The following ADD2 variants were observed in gnomAD, a reference collection of about 807,000 sequenced individuals.
The protein encoded by ADD2 is adducin 2.
A neutral mutation model predicts 83.0 loss-of-function variants in ADD2; 23 were observed. That is an observed-to-expected ratio of 0.28 (90% CI 0.20 to 0.39). The LOEUF (loss-of-function observed/expected upper bound fraction) is 0.39, where lower values mean the gene tolerates loss of function less well. Among genes scored for constraint, ADD2 ranks in the 10% least tolerant of loss-of-function variants. The probability of loss-of-function intolerance (pLI) is 1.00; values close to 1 mark genes in which losing one functional copy is unlikely to be tolerated. For synonymous variants in ADD2, 375 were observed against 375.4 expected, an observed-to-expected ratio of 1.00 and a Z score of 0.01; for missense variants, 758 against 944.9, an observed-to-expected ratio of 0.80 and a Z score of 2.59.
rs1172704158 is a variant in ADD2 at position 70,706,007 on chromosome 2, AC to A, written c.183+218del. On this transcript the variant is annotated intron_variant, in intron 3 of 15. Coordinates refer to ENST00000264436, the MANE Select transcript of ADD2 (RefSeq NM_001617.4). The surrounding 1 kb of genome is among the most constrained non-coding windows in gnomAD (Gnocchi z 5.0). ...CTGTCTCCGTCCCACCTCCCCCCGC[AC>A]CAAGCCAAACTGCCACACACAAGCC... is the stretch of plus-strand genomic sequence containing the variant. Among the ~76,000 whole-genome samples, 3 of 152,138 alleles carry A rather than the reference AC, an allele frequency of 2.0e-5. No homozygotes were observed. The highest frequency in any genetic ancestry group is 4.4e-5 in the Non-Finnish European group (3 of 68,010).
At chr2:70,678,026 A>G in intron 11 of ADD2, 149 bp from the exon 12 acceptor site, 1 of 1,072,214 alleles carries the variant, frequency 9.3e-7, no homozygotes, top group South Asian at 1.6e-5. Context: ...GGCCTCTTTG[A>G]TGTCTGTCTC....
intron 1 of ADD2, among the ~76,000 whole-genome samples, chr2:70,763,884 ATTTTC>A (rs1311523892): frequency 6.7e-6 from 1 of 149,752 alleles, no homozygotes; most frequent in Non-Finnish European, 1.5e-5. Flanking sequence ...TACCCATCTC[ATTTTC>A]TTTTCTTTTT....
intron 9 of ADD2, 90 bp downstream of exon 9, chr2:70,687,934 C>T (rs1428593427): frequency 3.2e-6 from 3 of 932,490 alleles, no homozygotes; most frequent in East Asian, 4.9e-5. Context: ...AAAAGACTCC[C>T]TGAATCACAG....
At chr2:70,698,191 C>A (rs941167011) in intron 4 of ADD2, among the ~76,000 whole-genome samples, 2 of 152,124 alleles carry the variant, frequency 1.3e-5, no homozygotes, top group Admixed American at 6.5e-5. Flanking sequence ...TACCACAGTT[C>A]TTTGAATACT....
chr2:70,658,863 C>T lies in ADD2; in HGVS notation c.*4562G>A, dbSNP rs1457494906. The stretch of plus-strand genomic sequence containing the variant: ...AATTCACACAAAAGAAAAAACGTGT[C>T]AGCTGGCACAGTGGCTCATTCCTGT... On this transcript the variant is annotated 3_prime_UTR_variant, in exon 16 of 16. Transcript: ENST00000264436. 6.6e-6 allele frequency: 1 copy of T among 152,132 alleles called. No individual in the cohort carries two copies. The highest frequency in any genetic ancestry group is 1.5e-5 in the Non-Finnish European group (1 of 68,038). The allele number at this position is 152,132 out of a possible 1,614,324, so 9.4% of individuals were successfully genotyped here.
chr2:70,697,990 CA>C (rs1553372979), intron 4 of ADD2, among the ~76,000 whole-genome samples: 1 of 152,192 alleles, frequency 6.6e-6, no homozygotes, highest in Non-Finnish European at 1.5e-5. Flanking sequence ...AGGACAACAA[CA>C]AACTTCCAAA....
intron 2 of ADD2, 43 bp downstream of exon 2, chr2:70,713,021 AGT>A (rs781883867): frequency 4.2e-4 from 375 of 894,778 alleles, no homozygotes; most frequent in Non-Finnish European, 4.8e-4. Flanking sequence ...CCAGCCAAAA[AGT>A]GTGCATCACC....
intron 1 of ADD2, among the ~76,000 whole-genome samples, chr2:70,765,576 C>G (rs906141033): frequency 3.3e-5 from 5 of 152,176 alleles, no homozygotes; most frequent in African/African-American, 1.2e-4. Context: ...GTTCCCAGTA[C>G]GTCTTACAGA....
At chr2:70,703,731 G>T (rs1388773406) in intron 4 of ADD2, among the ~76,000 whole-genome samples, 1 of 152,084 alleles carries the variant, frequency 6.6e-6, no homozygotes, top group Non-Finnish European at 1.5e-5. Flanking sequence ...ATTTGTGTTT[G>T]CATAATCTAT....
At chr2:70,692,310 C>T (rs1671083637) in intron 7 of ADD2, 93 bp downstream of exon 7, 4 of 1,386,374 alleles carry the variant, frequency 2.9e-6, no homozygotes, top group Non-Finnish European at 3.8e-6. Flanking sequence ...GGCCTGAGTT[C>T]TAGATCTTTC....
At chr2:70,667,238 A>T (rs1669672625) in intron 15 of ADD2, among the ~76,000 whole-genome samples, 1 of 151,850 alleles carries the variant, frequency 6.6e-6, no homozygotes, top group Non-Finnish European at 1.5e-5. Context: ...GAAGCTGGAA[A>T]ATGGGGGCTC....
rs1673967502 is a variant in ADD2 at position 70,742,457 on chromosome 2, T to C, written c.-154+25429A>G. ...TTTTAATATTTATACATATTATTTATTTTAGATGAAGTGAAATCATTTCCC... is the reference window on the plus strand; with the variant it reads ...TTTTAATATTTATACATATTATTTACTTTAGATGAAGTGAAATCATTTCCC... On this transcript the variant is annotated intron_variant, in intron 1 of 15. Coordinates refer to ENST00000264436, the MANE Select transcript of ADD2 (RefSeq NM_001617.4). Among the ~76,000 whole-genome samples, 3 of 152,198 alleles carry C rather than the reference T, an allele frequency of 2.0e-5. No individual in the cohort carries two copies. In the South Asian group the frequency reaches 6.2e-4, roughly 32 times the overall value.
chr2:70,669,540 A>G (rs898338575), intron 15 of ADD2, among the ~76,000 whole-genome samples: 2 of 152,238 alleles, frequency 1.3e-5, no homozygotes, highest in Admixed American at 1.3e-4. Flanking sequence ...CACTCACCAC[A>G]GCTAGGATAC....
chr2:70,750,664 C>A (rs1421594016), intron 1 of ADD2, among the ~76,000 whole-genome samples: 1 of 152,160 alleles, frequency 6.6e-6, no homozygotes, highest in Non-Finnish European at 1.5e-5. Flanking sequence ...TCAGAGGGAG[C>A]ACGGCCTTGT....
At chr2:70,678,475 G>A (rs1197367245) in intron 11 of ADD2, among the ~76,000 whole-genome samples, 2 of 152,176 alleles carry the variant, frequency 1.3e-5, no homozygotes, top group African/African-American at 2.4e-5. Context: ...ACTGCCCTCT[G>A]GAGAAATCTG....
intron 13 of ADD2, chr2:70,675,548 A>G (rs1354249805): frequency 2.0e-6 from 2 of 985,464 alleles, no homozygotes; most frequent in Non-Finnish European, 2.4e-6. Flanking sequence ...AGCCCAAGAT[A>G]GGAACTAAAA....
intron 1 of ADD2, among the ~76,000 whole-genome samples, chr2:70,723,255 T>A (rs1314820331): frequency 6.6e-6 from 1 of 152,188 alleles, no homozygotes; most frequent in African/African-American, 2.4e-5. Context: ...GAACAGTCCC[T>A]CCTCAGAGCA....
chr2:70,678,452 T>A (rs1193468465), intron 11 of ADD2, among the ~76,000 whole-genome samples: 3 of 152,164 alleles, frequency 2.0e-5, no homozygotes, highest in African/African-American at 7.2e-5. Flanking sequence ...TTCTGGGTCA[T>A]GTGCCTGGTC....
chr2:70,678,570 C>T (rs1670294581), intron 11 of ADD2, 134 bp downstream of exon 11: 25 of 1,318,974 alleles, frequency 1.9e-5, no homozygotes, highest in Non-Finnish European at 2.5e-5. Context: ...TCCCAGAGGC[C>T]TAATAGGAAG....
Sources: allele counts gnomAD v4.1 joint callset (sites outside exome capture counted in the v4.1 genomes callset), GRCh38; gene constraint gnomAD v4.1.1; non-coding constraint Gnocchi (gnomAD v3.1); transcripts MANE v1.5; gene names NCBI Gene and HGNC (gene_info 2026-07-23, HGNC 2026-07-21).